The following KCP variants were observed in gnomAD, a reference collection of about 807,000 sequenced individuals.
The protein encoded by KCP is kielin/chordin-like protein.
In KCP, 194 loss-of-function variants were observed where a neutral mutation model predicts 212.7. The ratio of observed to expected loss-of-function variants is 0.91; its 90% CI spans 0.81 to 1.03. KCP has a LOEUF of 1.03. KCP is among the 50% of genes least tolerant of loss of function. The pLI is 0.00. For synonymous variants in KCP, 833 were observed against 865.3 expected, an observed-to-expected ratio of 0.96 and a Z score of 0.65; for missense variants, 2,080 against 2,162.5, an observed-to-expected ratio of 0.96 and a Z score of 0.76.
chr7:128,891,027 G>A lies in KCP; in HGVS notation c.2042C>T (p.Pro681Leu). Reference protein sequence around the residue: ...AHARHQEYFSPPGDPCRRCLC... With the variant: ...AHARHQEYFSLPGDPCRRCLC... Reference sequence around the variant, plus strand: ...GCAGCGGCGGCAGGGATCGCCGGGCGGGGAGAAGTACTCCTGGTGGCGGGC... The same window carrying A: ...GCAGCGGCGGCAGGGATCGCCGGGCAGGGAGAAGTACTCCTGGTGGCGGGC... The change falls in exon 20 of 40, where the codon CCG becomes CTG. Residue 681 changes from proline (P) to leucine (L), a missense_variant. Transcript: ENST00000610776. 4 of 1,349,212 alleles carry A rather than the reference G, an allele frequency of 3.0e-6. No homozygotes were observed. The highest frequency in any genetic ancestry group is 2.8e-6 in the Non-Finnish European group (3 of 1,055,690). The allele number at this position is 1,349,212 out of a possible 1,614,324, so 83.6% of individuals were successfully genotyped here. A position where few individuals can be genotyped will look rare whatever the true frequency, so the allele number is the denominator to read the frequency against.
intron 2 of KCP, among the ~76,000 whole-genome samples, 171 bp downstream of exon 2, chr7:128,908,251 GAAGA>G (rs370653893): frequency 0.037 from 3,732 of 101,194 alleles, 126 homozygotes; most frequent in Non-Finnish European, 0.045. Flanking sequence ...AAGAAAGAAA[GAAGA>G]AAGAAAGAAA....
At chr7:128,881,799 A>T (rs1793349391) in intron 30 of KCP, 74 bp from the exon 31 acceptor site, 1 of 1,404,332 alleles carries the variant, frequency 7.1e-7, no homozygotes, top group Non-Finnish European at 9.8e-7. Context: ...CATAGGCAGG[A>T]TGTGACAGTC....
rs753207288 is a variant in KCP, at chr7:128,892,740, T to G, written c.1475A>C (p.Asn492Thr). The G allele has an allele frequency of 6.4e-7, 1 of 1,551,694 alleles. No individual in the cohort carries two copies. Among genetic ancestry groups the G allele is most frequent in the East Asian group, 2.4e-5 (1 of 40,922 alleles). ...SCTYHSQVYA[N>T]GQNFTDADSP... ...GTCTGCATCCGTGAAGTTCTGCCCA[T>G]TGGCATACACTTGGCTGTGGTAGGT... Residue 492 changes from asparagine to threonine, a missense_variant, in exon 15 of 40, where the codon AAT (asparagine) becomes ACT (threonine). Physicochemically the swap from Asn to Thr is moderately conservative, Grantham distance 65. Coordinates refer to ENST00000610776, the MANE Select transcript of KCP (RefSeq NM_001366122.1).
intron 22 of KCP, among the ~76,000 whole-genome samples, chr7:128,887,786 C>T (rs372011087): frequency 1.1e-3 from 169 of 150,162 alleles, no homozygotes; most frequent in African/African-American, 3.9e-3. Context: ...CACACATACA[C>T]GCACCCACAT....
chr7:128,880,159 C>A, intron 34 of KCP, 74 bp from the exon 35 acceptor site: 1 of 1,435,618 alleles, frequency 7.0e-7, no homozygotes, highest in Non-Finnish European at 9.3e-7. Context: ...CCCAGAAAAC[C>A]AAGCATCTCC....
At chr7:128,895,536 C>G (rs971424563) in intron 8 of KCP, among the ~76,000 whole-genome samples, 1 of 152,182 alleles carries the variant, frequency 6.6e-6, no homozygotes, top group Non-Finnish European at 1.5e-5. Flanking sequence ...GCGTTTGAAC[C>G]AAAGCAACTC....
chr7:128,886,948 G>A lies in KCP; in HGVS notation c.2617C>T (p.Gln873Ter), dbSNP rs1018743209. 1.6e-5 allele frequency: 25 copies of A among 1,524,060 alleles called. No homozygotes were observed. The highest frequency in any genetic ancestry group is 2.1e-5 in the Non-Finnish European group (24 of 1,126,982). 94.4% of individuals were successfully genotyped at this position (1,524,060 alleles called of 1,614,324 possible). A position where few individuals can be genotyped will look rare whatever the true frequency, so the allele number is the denominator to read the frequency against. ...CTCQEGSMRC[Q>*]KKPCPPALCP... ...AGAGCTGGGGGACATGGCTTCTTCTGGCAGCGCATGGAACCTTCCTGGGGG... is the reference window on the plus strand; with the variant it reads ...AGAGCTGGGGGACATGGCTTCTTCTAGCAGCGCATGGAACCTTCCTGGGGG... The change falls in exon 24 of 40, where the codon CAG becomes TAG. Residue 873 changes from glutamine to a stop codon, truncating the protein, a stop_gained. Coordinates refer to ENST00000610776, the MANE Select transcript of KCP (RefSeq NM_001366122.1). LOFTEE classifies it high-confidence loss of function.
chr7:128,887,522 A>C (rs1217071929), intron 22 of KCP, among the ~76,000 whole-genome samples: 1 of 147,732 alleles, frequency 6.8e-6, no homozygotes, highest in Admixed American at 6.8e-5. Flanking sequence ...GTGGGAGTGC[A>C]ACAGAAAACC....
Position 128,908,543 on chromosome 7 carries a change from AG to A in KCP, c.101del (p.Pro34LeufsTer34). On this transcript the variant is annotated frameshift_variant, in exon 2 of 40. Transcript: ENST00000610776. LOFTEE classifies it high-confidence loss of function. ...AEGGAVPREP[P>X]GQQTTAHSSV... The stretch of plus-strand genomic sequence containing the variant: ...AGGAATGGGCAGTTGTCTGCTGCCC[AG>A]GGGGCTCCCTGGGGACAGCCCCACC... The A allele has an allele frequency of 6.4e-7, 1 of 1,551,384 alleles. No individual in the cohort carries two copies. Among genetic ancestry groups the A allele is most frequent in the Non-Finnish European group, 8.7e-7 (1 of 1,146,818 alleles).
chr7:128,905,557 T>TG (rs1795081984), intron 5 of KCP, among the ~76,000 whole-genome samples: 1 of 152,196 alleles, frequency 6.6e-6, no homozygotes, highest in African/African-American at 2.4e-5. Flanking sequence ...CTGCCATCCC[T>TG]GGCTCCATGC....
chr7:128,909,432 C>T (rs1168245910), intron 1 of KCP, among the ~76,000 whole-genome samples: 1 of 152,198 alleles, frequency 6.6e-6, no homozygotes, highest in Non-Finnish European at 1.5e-5. Flanking sequence ...CACCCACTGT[C>T]ACCATCAAAG....
Position 128,878,671 on chromosome 7 carries a change from G to T in KCP, c.4198C>A (p.Gln1400Lys). ...QVEVSVPGSY[Q>K]GRTCGLCGNF... is the part of the protein sequence containing the mutation. ...CCACAGAGCCCACAAGTCCGGCCCT[G>T]GTAGGAGCCAGGTACGCTCACCTCC... is the stretch of plus-strand genomic sequence containing the variant. The change falls in exon 38 of 40, where the codon CAG becomes AAG. Residue 1400 changes from glutamine to lysine, a missense_variant. Gln to Lys is a moderately conservative substitution (Grantham distance 53, BLOSUM62 1). Transcript: ENST00000610776. The T allele has an allele frequency of 6.4e-7, 1 of 1,551,148 alleles. No homozygotes were observed. The highest frequency in any genetic ancestry group is 2.4e-5 in the East Asian group (1 of 40,926).
At position 128,891,829 on chromosome 7, in the gene KCP, G is replaced by A; in HGVS notation, c.1622-10C>T. 1 of 1,440,026 alleles carries A rather than the reference G, an allele frequency of 6.9e-7. No individual in the cohort carries two copies. Among genetic ancestry groups the A allele is most frequent in the Middle Eastern group, 1.8e-4 (1 of 5,478 alleles). The allele number at this position is 1,440,026 out of a possible 1,614,324, so 89.2% of individuals were successfully genotyped here. The stretch of plus-strand genomic sequence containing the variant: ...TCCTCCAGGATGCAGTCTGGGCAGT[G>A]GATGGTGGGGGCAGGTATGAGGGCA... On this transcript the variant is annotated splice_polypyrimidine_tract_variant and intron_variant, in intron 16 of 39. Coordinates refer to ENST00000610776, the MANE Select transcript of KCP (RefSeq NM_001366122.1).
chr7:128,892,962 G>C lies in KCP; in HGVS notation c.1327C>G (p.Pro443Ala), dbSNP rs1468366479. The C allele has an allele frequency of 1.6e-6, 2 of 1,289,326 alleles. No individual in the cohort carries two copies. Among genetic ancestry groups the C allele is most frequent in the East Asian group, 2.5e-5 (1 of 39,764 alleles). 79.9% of individuals were successfully genotyped at this position (1,289,326 alleles called of 1,614,324 possible). The change falls in exon 14 of 40, where the codon CCC becomes GCC. Residue 443 changes from proline (P) to alanine (A), a missense_variant. Transcript: ENST00000610776. ...EGVQWEPDGRPCTACVCQDGV... is the reference protein window; with the variant it reads ...EGVQWEPDGRACTACVCQDGV... ...TCTTGACAGACGCAGGCGGTGCAGGGCCGACCATCAGGCTCCCACTGGACT... is the reference window on the plus strand; with the variant it reads ...TCTTGACAGACGCAGGCGGTGCAGGCCCGACCATCAGGCTCCCACTGGACT...
chr7:128,881,516 T>C (rs554233766), intron 31 of KCP, 110 bp downstream of exon 31: 1 of 686,022 alleles, frequency 1.5e-6, no homozygotes, highest in South Asian at 2.4e-5. Context: ...CATTCTGTTC[T>C]AGAAACCGAG....
At chr7:128,899,737 T>C (rs1364878856) in intron 8 of KCP, among the ~76,000 whole-genome samples, 1 of 137,320 alleles carries the variant, frequency 7.3e-6, no homozygotes, top group Non-Finnish European at 1.5e-5. Flanking sequence ...ATATAGCTAT[T>C]TGCATGAGTG....
chr7:128,902,876 G>A lies in KCP; in HGVS notation c.749-17C>T. On this transcript the variant is annotated splice_polypyrimidine_tract_variant and intron_variant, in intron 7 of 39. Coordinates refer to ENST00000610776, the MANE Select transcript of KCP (RefSeq NM_001366122.1). ...CTGTGCAGCCTAGGGTTGAGGGGTT[G>A]AGAAGAGGGAGGCCTGGTGGGAGCT... 1 of 1,544,196 alleles carries A rather than the reference G, an allele frequency of 6.5e-7. No homozygotes were observed. The highest frequency in any genetic ancestry group is 1.2e-5 in the South Asian group (1 of 83,930).
In KCP at chr7:128,891,048, C is replaced by T. The variant is rs575032767; in HGVS notation, c.2021G>A (p.Arg674His). Residue 674 changes from arginine to histidine, a missense_variant, in exon 20 of 40, where the codon CGC becomes CAC. Transcript: ENST00000610776. ...GCPRPGAAHARHQEYFSPPGD... is the reference protein window; with the variant it reads ...GCPRPGAAHAHHQEYFSPPGD... ...GGGCGGGGAGAAGTACTCCTGGTGGCGGGCGTGGGCCGCGCCGGGCCGTGG... is the reference window on the plus strand; with the variant it reads ...GGGCGGGGAGAAGTACTCCTGGTGGTGGGCGTGGGCCGCGCCGGGCCGTGG... The T allele has an allele frequency of 1.5e-6, 2 of 1,373,978 alleles. No individual in the cohort carries two copies. The highest frequency in any genetic ancestry group is 1.9e-6 in the Non-Finnish European group (2 of 1,070,070). 85.1% of individuals were successfully genotyped at this position (1,373,978 alleles called of 1,614,324 possible).
chr7:128,903,064 C>A (rs55902134), intron 7 of KCP: 112,458 of 598,450 alleles, frequency 0.19, 13,284 homozygotes, highest in East Asian at 0.53. Context: ...CCCGCCCTTT[C>A]TGGTCTTCCG....
Sources: gnomAD v4.1 joint callset for allele counts (sites outside exome capture counted in the v4.1 genomes callset) on GRCh38, gnomAD v4.1.1 for gene constraint, MANE v1.5 for transcripts, NCBI Gene and HGNC (gene_info 2026-07-23, HGNC 2026-07-21) for gene names.